The following KANK1 variants were observed in gnomAD, a reference collection of about 807,000 sequenced individuals.
The protein encoded by KANK1 is KN motif and ankyrin repeat domains 1.
KANK1 carries 109 observed loss-of-function variants against 106.2 expected under a neutral mutation model. That is an observed-to-expected ratio of 1.03 (90% CI 0.88 to 1.20). The LOEUF (loss-of-function observed/expected upper bound fraction) is 1.20, where lower values mean the gene tolerates loss of function less well. Ranked by LOEUF, KANK1 falls within the 50% of genes most tolerant of loss-of-function variation. KANK1 has a pLI of 0.00. For synonymous variants in KANK1, 873 were observed against 652.2 expected, an observed-to-expected ratio of 1.34 and a Z score of -5.16; for missense variants, 2,399 against 1,710.7, an observed-to-expected ratio of 1.40 and a Z score of -7.10.
At chr9:499,408 A>C (rs192536979) in intron 3 of KANK1, among the ~76,000 whole-genome samples, 1 of 152,304 alleles carries the variant, frequency 6.6e-6, no homozygotes, top group Non-Finnish European at 1.5e-5. Context: ...CAGCAATAAA[A>C]AGGAAAGATG....
intron 1 of KANK1, among the ~76,000 whole-genome samples, chr9:643,154 T>C (rs558298034): frequency 1.3e-5 from 2 of 151,000 alleles, no homozygotes; most frequent in African/African-American, 5.0e-5. Context: ...CTGTTGAAGA[T>C]GGGGAGTGAC....
intron 1 of KANK1, among the ~76,000 whole-genome samples, chr9:545,912 A>AT (rs1438945224): frequency 6.6e-6 from 1 of 151,526 alleles, no homozygotes; most frequent in South Asian, 2.1e-4. Context: ...TGCCCGGCTA[A>AT]TTTTTTTGTA....
intron 1 of KANK1, among the ~76,000 whole-genome samples, chr9:655,277 A>G (rs1477413774): frequency 6.6e-6 from 1 of 151,984 alleles, no homozygotes; most frequent in East Asian, 1.9e-4. Context: ...AGGCTGAGGC[A>G]GGAGAATCGC....
chr9:506,035 T>C (rs2058740791), intron 1 of KANK1, among the ~76,000 whole-genome samples: 1 of 152,000 alleles, frequency 6.6e-6, no homozygotes, highest in Non-Finnish European at 1.5e-5. Flanking sequence ...AATAAACATA[T>C]AAATTTACTC....
intron 2 of KANK1, among the ~76,000 whole-genome samples, chr9:472,174 T>TGCCCA (rs2058033751): frequency 6.6e-6 from 1 of 152,238 alleles, no homozygotes; most frequent in Admixed American, 6.5e-5. Context: ...AGAGCTGGCC[T>TGCCCA]GCCCACAGTC....
At position 711,931 on chromosome 9, in the gene KANK1, T is replaced by C. The variant is rs776386850; in HGVS notation, c.1165T>C (p.Ser389Pro). 7 of 1,614,002 alleles carry C rather than the reference T, an allele frequency of 4.3e-6. No individual in the cohort carries two copies. Among genetic ancestry groups the C allele is most frequent in the Middle Eastern group, 1.6e-4 (1 of 6,082 alleles). The change falls in exon 3 of 12, where the codon TCC (serine) becomes CCC (proline). Residue 389 changes from serine to proline, a missense_variant. Transcript: ENST00000382297. ...QKIQDSSCEA[S>P]SELRENGECR... The stretch of plus-strand genomic sequence containing the variant: ...GATCCAGGACAGCAGCTGTGAGGCC[T>C]CCTCAGAGCTCAGGGAGAATGGAGA...
intron 6 of KANK1, chr9:733,526 GA>G (rs1487729489): frequency 6.6e-6 from 1 of 152,226 alleles, no homozygotes; most frequent in Admixed American, 6.5e-5. Context: ...CAGCACGATG[GA>G]TATATGGTAA....
At chr9:560,356 C>T (rs1816065040) in intron 1 of KANK1, among the ~76,000 whole-genome samples, 1 of 152,136 alleles carries the variant, frequency 6.6e-6, no homozygotes, top group Non-Finnish European at 1.5e-5. Context: ...GGTTGATTAA[C>T]TGTTGACTTT....
At chr9:654,955 C>G (rs118019404) in intron 1 of KANK1, among the ~76,000 whole-genome samples, 13 of 152,146 alleles carry the variant, frequency 8.5e-5, no homozygotes, top group Non-Finnish European at 1.9e-4. Context: ...CTGGAATAGA[C>G]CAATAACTCT....
At chr9:744,411 G>A (rs2132388158) in intron 10 of KANK1, 80 bp from the exon 11 acceptor site, 1 of 1,472,876 alleles carries the variant, frequency 6.8e-7, no homozygotes, top group South Asian at 1.3e-5. Context: ...ATTATTGGAG[G>A]GTGTTTTGTT....
chr9:607,632 C>A (rs7873666), intron 1 of KANK1, among the ~76,000 whole-genome samples: 4 of 151,692 alleles, frequency 2.6e-5, no homozygotes, highest in African/African-American at 7.3e-5. Context: ...GCACATGTGC[C>A]TCACCCAGTC....
At chr9:638,877 G>A (rs1008851569) in intron 1 of KANK1, among the ~76,000 whole-genome samples, 25 of 152,182 alleles carry the variant, frequency 1.6e-4, no homozygotes, top group Admixed American at 1.4e-3. Flanking sequence ...AGATAAAAGG[G>A]CATCAGCAAT....
chr9:476,962 C>G (rs1408767118), intron 3 of KANK1, among the ~76,000 whole-genome samples: 1 of 152,196 alleles, frequency 6.6e-6, no homozygotes, highest in African/African-American at 2.4e-5. Flanking sequence ...TTGCACAAGT[C>G]TCCTTTCCTA....
At chr9:529,168 T>C (rs1288100557) in intron 1 of KANK1, among the ~76,000 whole-genome samples, 1 of 151,930 alleles carries the variant, frequency 6.6e-6, no homozygotes, top group African/African-American at 2.4e-5. Context: ...CTAGCTACCA[T>C]ATTCTCTCTT....
rs149391270 is a variant in KANK1 at position 663,530 on chromosome 9, A to C, written c.-83-13360A>C. Among the ~76,000 whole-genome samples the C allele has an allele frequency of 7.8e-4, 119 of 152,346 alleles. 2 individuals are homozygous for C. The highest frequency in any genetic ancestry group is 2.6e-3 in the African/African-American group (109 of 41,582). ...ATAAAGTTGGTTAACTGAAAAAGAGAAAGTTTAATCATTCTGATTTTCATT... is the reference window on the plus strand; with the variant it reads ...ATAAAGTTGGTTAACTGAAAAAGAGCAAGTTTAATCATTCTGATTTTCATT... On this transcript the variant is annotated intron_variant, in intron 1 of 11. Coordinates refer to ENST00000382297, the MANE Select transcript of KANK1 (RefSeq NM_015158.5).
intron 2 of KANK1, among the ~76,000 whole-genome samples, chr9:686,413 T>C (rs1818570850): frequency 6.6e-6 from 1 of 152,190 alleles, no homozygotes; most frequent in African/African-American, 2.4e-5. Context: ...CTGCTGAGCT[T>C]ATGCAGCATG....
intron 10 of KANK1, among the ~76,000 whole-genome samples, chr9:743,789 G>C (rs530854006): frequency 1.3e-5 from 2 of 152,302 alleles, no homozygotes; most frequent in African/African-American, 4.8e-5. Flanking sequence ...TTGAGCCCTG[G>C]AGGTCAAGGC....
intron 3 of KANK1, among the ~76,000 whole-genome samples, chr9:714,187 T>C (rs984747311): frequency 1.3e-5 from 2 of 152,110 alleles, no homozygotes; most frequent in Non-Finnish European, 2.9e-5. Context: ...CTGCGGTGCT[T>C]ACATTCTAGG....
rs201979002 is a variant in KANK1 at position 738,349 on chromosome 9, C to T, written c.3398C>T (p.Pro1133Leu). The change falls in exon 8 of 12, where the codon CCA becomes CTA. Residue 1133 changes from proline to leucine, a missense_variant. Transcript: ENST00000382297. Reference protein sequence around the residue: ...FRVSSQKSAIPAMVGDYIAAF... With the variant: ...FRVSSQKSAILAMVGDYIAAF... ...GTGTCCAGTCAGAAGTCAGCCATTCCAGCCATGGTGGGGGACTACATAGCT... is the reference window on the plus strand; with the variant it reads ...GTGTCCAGTCAGAAGTCAGCCATTCTAGCCATGGTGGGGGACTACATAGCT... 68 of 1,614,034 alleles carry T rather than the reference C, an allele frequency of 4.2e-5. No homozygotes were observed. Among genetic ancestry groups the T allele is most frequent in the Middle Eastern group, 1.6e-4 (1 of 6,084 alleles).
Sources: gnomAD v4.1 joint callset for allele counts (sites outside exome capture counted in the v4.1 genomes callset) on GRCh38, gnomAD v4.1.1 for gene constraint, MANE v1.5 for transcripts, NCBI Gene and HGNC (gene_info 2026-07-23, HGNC 2026-07-21) for gene names.